The following SAT1 variants were observed in gnomAD, a reference collection of about 807,000 sequenced individuals.
SAT1 encodes the protein diamine acetyltransferase 1.
In SAT1, 1 loss-of-function variant was observed where a neutral mutation model predicts 14.7. The ratio of observed to expected loss-of-function variants is 0.07; its 90% CI spans 0.02 to 0.32. The LOEUF is 0.32. Among genes scored for constraint, SAT1 ranks in the 10% least tolerant of loss-of-function variants. SAT1 has a pLI of 1.00. For synonymous variants in SAT1, 67 were observed against 46.1 expected (o/e 1.45, Z -1.84); for missense variants, 77 against 129.1 (o/e 0.60, Z 1.96).
chrX:23,785,927 C>A lies in SAT1; in HGVS notation c.*71C>A. 1 of 920,027 alleles carries A rather than the reference C, an allele frequency of 1.1e-6. No individual in the cohort carries two copies. The highest frequency in any genetic ancestry group is 1.5e-6 in the Non-Finnish European group (1 of 675,910). 75.8% of individuals were successfully genotyped at this position (920,027 alleles called of 1,213,427 possible). ...TTCCCAACTTCTCTTGCTTTCTATG[C>A]TGTTTGTAGTGAAATAATAGAATGA... is the stretch of plus-strand genomic sequence containing the variant. On this transcript the variant is annotated 3_prime_UTR_variant, in exon 6 of 6. Transcript: ENST00000379270.
intron 1 of SAT1, 91 bp downstream of exon 1, chrX:23,783,508 G>T: frequency 1.0e-6 from 1 of 966,835 alleles, no homozygotes; most frequent in East Asian, 3.2e-5. Context: ...GGTCTCGGCC[G>T]GTGTGAGAGC....
chrX:23,783,979 A>G (rs1473084826), intron 3 of SAT1, 96 bp downstream of exon 3: 1 of 1,196,648 alleles, frequency 8.4e-7, no homozygotes, highest in South Asian at 1.8e-5. Flanking sequence ...GGCCGAAGTT[A>G]CTGAGAACTT....
At chrX:23,783,943 G>A in intron 3 of SAT1, 60 bp downstream of exon 3, 1 of 1,209,833 alleles carries the variant, frequency 8.3e-7, no homozygotes, top group Non-Finnish European at 1.1e-6. Context: ...AAGTAGTGTC[G>A]GCTGTGTAGA....
At position 23,783,872 on chromosome X, in the gene SAT1, G is replaced by T; in HGVS notation, c.191G>T (p.Trp64Leu). 8.3e-7 allele frequency: 1 copy of T among 1,211,428 alleles called. No individual in the cohort carries two copies. The highest frequency in any genetic ancestry group is 1.1e-6 in the Non-Finnish European group (1 of 895,514). ...CLVAEVPKEH[W>L]TPEGHSIVGF... ...GTTGCAGAAGTGCCGAAAGAGCACT[G>T]GACTCCGGAAGGTAACCCCTCGCCC... is the stretch of plus-strand genomic sequence containing the variant. Residue 64 changes from tryptophan (W) to leucine (L), a missense_variant, in exon 3 of 6, where the codon TGG (tryptophan) becomes TTG (leucine). Trp to Leu is a moderately conservative substitution (Grantham distance 61). Transcript: ENST00000379270.
chrX:23,785,240 A>T, intron 3 of SAT1, 88 bp from the exon 4 acceptor site: 3 of 688,104 alleles, frequency 4.4e-6, no homozygotes, highest in Non-Finnish European at 7.0e-6. Context: ...TGTGTTTTTT[A>T]AAACCTATGA....
At position 23,783,899 on chromosome X, in the gene SAT1, T is replaced by C; in HGVS notation, c.202+16T>C. On this transcript the variant is annotated intron_variant, in intron 3 of 5. Coordinates refer to ENST00000379270, the MANE Select transcript of SAT1 (RefSeq NM_002970.4). ...ACTCCGGAAGGTAACCCCTCGCCCTTTCCAGAAGCCAGAGAGACCAAGTGT... is the reference window on the plus strand; with the variant it reads ...ACTCCGGAAGGTAACCCCTCGCCCTCTCCAGAAGCCAGAGAGACCAAGTGT... The C allele has an allele frequency of 8.3e-7, 1 of 1,211,684 alleles. No homozygotes were observed. Among genetic ancestry groups the C allele is most frequent in the Non-Finnish European group, 1.1e-6 (1 of 895,529 alleles).
chrX:23,783,829 C>T lies in SAT1; in HGVS notation c.148C>T (p.Pro50Ser). ...DLLEDGFGEH[P>S]FYHCLVAEVP... The stretch of plus-strand genomic sequence containing the variant: ...GCTAGAAGATGGTTTTGGAGAGCAC[C>T]CCTTTTACCACTGCCTGGTTGCAGA... Residue 50 changes from proline (P) to serine (S), a missense_variant, in exon 3 of 6, where the codon CCC becomes TCC. Pro to Ser is a moderately conservative substitution (Grantham distance 74, BLOSUM62 -1). Transcript: ENST00000379270. The T allele has an allele frequency of 2.5e-6, 3 of 1,211,528 alleles. No homozygotes were observed. The highest frequency in any genetic ancestry group is 3.4e-6 in the Non-Finnish European group (3 of 895,487).
chrX:23,783,530 C>T, intron 1 of SAT1, 113 bp downstream of exon 1: 1 of 937,567 alleles, frequency 1.1e-6, no homozygotes, highest in South Asian at 2.4e-5. Context: ...CAGCCTGTTC[C>T]CCTTTCTGCG....
chrX:23,785,892 T>C lies in SAT1; in HGVS notation c.*36T>C, dbSNP rs1161793271. 41 of 1,079,673 alleles carry C rather than the reference T, an allele frequency of 3.8e-5. No individual in the cohort carries two copies. Among genetic ancestry groups the C allele is most frequent in the Non-Finnish European group, 4.1e-5 (33 of 806,847 alleles). 89.0% of individuals were successfully genotyped at this position (1,079,673 alleles called of 1,213,427 possible). The stretch of plus-strand genomic sequence containing the variant: ...TGTAGATGACAACCTCCATTCTATT[T>C]TAGAATAAATTCCCAACTTCTCTTG... On this transcript the variant is annotated 3_prime_UTR_variant, in exon 6 of 6. Transcript: ENST00000379270.
At chrX:23,784,568 C>CTT (rs9306769) in intron 3 of SAT1, among the ~76,000 whole-genome samples, 18,926 of 60,334 alleles carry the variant, frequency 0.31, 3,614 homozygotes, top group South Asian at 0.39. Flanking sequence ...TGTCAGATGC[C>CTT]TTTTTTTTTT....
intron 3 of SAT1, chrX:23,784,290 T>TC: frequency 1.1e-6 from 1 of 893,103 alleles, no homozygotes; most frequent in Non-Finnish European, 1.4e-6. Context: ...GTCCCAATCT[T>TC]CAGGTTACAG....
At position 23,783,852 on chromosome X, in the gene SAT1, A is replaced by C. The variant is rs745485198; in HGVS notation, c.171A>C (p.Ala57=). Residue 57 remains alanine, a synonymous_variant, in exon 3 of 6, where the codon GCA becomes GCC. Coordinates refer to ENST00000379270, the MANE Select transcript of SAT1 (RefSeq NM_002970.4). The part of the protein sequence containing the change: ...GEHPFYHCLV[A]EVPKEHWTPE... ...ACCCCTTTTACCACTGCCTGGTTGC[A>C]GAAGTGCCGAAAGAGCACTGGACTC... 10 of 1,209,746 alleles carry C rather than the reference A, an allele frequency of 8.3e-6. No individual in the cohort carries two copies. Among genetic ancestry groups the C allele is most frequent in the Non-Finnish European group, 7.8e-6 (7 of 895,245 alleles).
chrX:23,783,661 C>G lies in SAT1; in HGVS notation c.70C>G (p.Leu24Val). Residue 24 changes from leucine to valine, a missense_variant, in exon 2 of 6, where the codon CTG (leucine) becomes GTG (valine). By Grantham distance (32) the Leu-to-Val change is conservative. Coordinates refer to ENST00000379270, the MANE Select transcript of SAT1 (RefSeq NM_002970.4). ...CSDILRLIKE[L>V]AKYEYMEEQV... ...TCTCCTATGTGCATCCCCCCAGGAG[C>G]TGGCTAAATATGAATACATGGAAGA... 8.4e-7 allele frequency: 1 copy of G among 1,190,628 alleles called. No individual in the cohort carries two copies. The highest frequency in any genetic ancestry group is 1.1e-6 in the Non-Finnish European group (1 of 883,317).
At position 23,785,383 on chromosome X, in the gene SAT1, C is replaced by T; in HGVS notation, c.258C>T (p.Gly86=). 1 of 1,208,107 alleles carries T rather than the reference C, an allele frequency of 8.3e-7. No homozygotes were observed. The highest frequency in any genetic ancestry group is 1.1e-6 in the Non-Finnish European group (1 of 892,040). The change falls in exon 4 of 6, where the codon GGC becomes GGT. Residue 86 remains glycine, a synonymous_variant. Transcript: ENST00000379270. ...ATTTTACCTATGACCCGTGGATTGGCAAGTTATTGTATCTTGAGGACTTCT... is the reference window on the plus strand; with the variant it reads ...ATTTTACCTATGACCCGTGGATTGGTAAGTTATTGTATCTTGAGGACTTCT... ...MYYFTYDPWI[G]KLLYLEDFFV... is the part of the protein sequence containing the mutation.
At chrX:23,783,577 C>T (rs1922585997) in intron 1 of SAT1, 81 bp from the exon 2 acceptor site, 1 of 750,212 alleles carries the variant, frequency 1.3e-6, no homozygotes, top group Non-Finnish European at 1.9e-6. Flanking sequence ...GCCCGCCCGC[C>T]CCATTCCGTT....
Position 23,785,560 on chromosome X carries a change from G to C in SAT1, c.345G>C (p.Gln115His). ...IGSEILKNLS[Q>H]VAMRCRCSSM... The stretch of plus-strand genomic sequence containing the variant: ...CAGAAATTCTGAAGAATCTAAGCCA[G>C]GTATGTCTTAGTTTTTGGTTTCCAA... The change falls in exon 5 of 6, where the codon CAG becomes CAC. Residue 115 changes from glutamine (Q) to histidine (H), a missense_variant and splice_region_variant. Transcript: ENST00000379270. The C allele has an allele frequency of 8.3e-7, 1 of 1,201,526 alleles. No individual in the cohort carries two copies. Among genetic ancestry groups the C allele is most frequent in the Non-Finnish European group, 1.1e-6 (1 of 886,479 alleles).
In SAT1 at chrX:23,785,881, T is replaced by G. The variant is rs751858477; in HGVS notation, c.*25T>G. Reference sequence around the variant, plus strand: ...AGGAGTGCTGCTGTAGATGACAACCTCCATTCTATTTTAGAATAAATTCCC... The same window carrying G: ...AGGAGTGCTGCTGTAGATGACAACCGCCATTCTATTTTAGAATAAATTCCC... On this transcript the variant is annotated 3_prime_UTR_variant, in exon 6 of 6. Coordinates refer to ENST00000379270, the MANE Select transcript of SAT1 (RefSeq NM_002970.4). 1 of 1,126,843 alleles carries G rather than the reference T, an allele frequency of 8.9e-7. No individual in the cohort carries two copies. The highest frequency in any genetic ancestry group is 2.1e-5 in the South Asian group (1 of 47,038). 92.9% of individuals were successfully genotyped at this position (1,126,843 alleles called of 1,213,427 possible). A position where few individuals can be genotyped will look rare whatever the true frequency, so the allele number is the denominator to read the frequency against.
rs1480330184 is a variant in SAT1, at chrX:23,783,675, A to G, written c.84A>G (p.Glu28=). 2.5e-6 allele frequency: 3 copies of G among 1,200,903 alleles called. No homozygotes were observed. The highest frequency in any genetic ancestry group is 3.4e-6 in the Non-Finnish European group (3 of 890,070). The part of the protein sequence containing the change: ...LRLIKELAKY[E]YMEEQVILTE... ...CCCCCCAGGAGCTGGCTAAATATGA[A>G]TACATGGAAGAACAAGTAATCTTAA... The change falls in exon 2 of 6, where the codon GAA becomes GAG. Residue 28 remains glutamate (E), a synonymous_variant. Transcript: ENST00000379270.
At chrX:23,784,298 C>T in intron 3 of SAT1, 1 of 884,416 alleles carries the variant, frequency 1.1e-6, no homozygotes, top group Non-Finnish European at 1.4e-6. Context: ...CTTCAGGTTA[C>T]AGTCTCTAGC....
Sources: allele counts gnomAD v4.1 joint callset (sites outside exome capture counted in the v4.1 genomes callset), GRCh38; gene constraint gnomAD v4.1.1; transcripts MANE v1.5; gene names NCBI Gene and HGNC (gene_info 2026-07-23, HGNC 2026-07-21).